Variants in ROBO2 observed in about 807,000 individuals in gnomAD.
ROBO2 encodes roundabout homolog 2.
ROBO2 carries 53 observed loss-of-function variants against 160.8 expected under a neutral mutation model. The observed-to-expected ratio is 0.33, with a 90% CI of 0.26 to 0.41. The LOEUF (loss-of-function observed/expected upper bound fraction) is 0.41, where lower values mean the gene tolerates loss of function less well. Ranked by LOEUF, ROBO2 falls within the 10% of genes least tolerant of loss-of-function variation. The pLI, the probability that ROBO2 is intolerant of heterozygous loss-of-function variation, is 1.00. For missense variants in ROBO2, 1,577 were observed against 1,722.4 expected (o/e 0.92, Z 1.49); for synonymous variants, 664 against 611.7 (o/e 1.09, Z -1.26).
intron 2 of ROBO2, among the ~76,000 whole-genome samples, chr3:76,667,565 T>A (rs1364688670): frequency 8.2e-6 from 1 of 121,868 alleles, no homozygotes. Context: ...AGGTTAATGA[T>A]CAAATCAGAA....
intron 2 of ROBO2, among the ~76,000 whole-genome samples, chr3:76,904,937 G>C (rs1238427474): frequency 5.4e-5 from 6 of 110,922 alleles, no homozygotes; most frequent in Admixed American, 1.9e-4. Flanking sequence ...ATAGTTTCTT[G>C]ACAGTTATGA....
At chr3:76,547,632 C>T (rs916658819) in intron 2 of ROBO2, among the ~76,000 whole-genome samples, 1 of 151,974 alleles carries the variant, frequency 6.6e-6, no homozygotes, top group Non-Finnish European at 1.5e-5. Flanking sequence ...TACAAGAGGG[C>T]AATAATCAAT....
intron 2 of ROBO2, among the ~76,000 whole-genome samples, chr3:76,119,223 T>A (rs1252608080): frequency 6.6e-6 from 1 of 152,218 alleles, no homozygotes; most frequent in Non-Finnish European, 1.5e-5. Flanking sequence ...GAATTCGCTG[T>A]TGGTTCATGC....
chr3:77,366,449 G>T (rs1201133882), intron 2 of ROBO2, among the ~76,000 whole-genome samples: 1 of 152,010 alleles, frequency 6.6e-6, no homozygotes, highest in Non-Finnish European at 1.5e-5. Flanking sequence ...AAGACGGCCT[G>T]TAGGAACCAG....
chr3:76,773,151 TA>T (rs1279086998), intron 2 of ROBO2, among the ~76,000 whole-genome samples: 2 of 151,118 alleles, frequency 1.3e-5, no homozygotes, highest in African/African-American at 4.8e-5. Context: ...CAAAACCTCT[TA>T]ATCAATAATA....
Position 76,277,785 on chromosome 3 carries a change from C to T in ROBO2, c.109+340183C>T, listed in dbSNP as rs554988171. ...GATTCTTAAAGATGGTTTTTATTCT[C>T]ATATATATTAAAAATTAAATAAGTA... On this transcript the variant is annotated intron_variant, in intron 2 of 26. Coordinates refer to the ROBO2 transcript ENST00000487694. 3.7e-4 allele frequency among the ~76,000 whole-genome samples: 56 copies of T among 151,930 alleles called. 1 individual carries two copies. Among genetic ancestry groups the T allele is most frequent in the African/African-American group, 1.3e-3 (55 of 41,490 alleles).
chr3:77,040,964 T>A, intron 1 of ROBO2, 118 bp downstream of exon 1: 1 of 1,385,444 alleles, frequency 7.2e-7, no homozygotes, highest in Non-Finnish European at 1.0e-6. Context: ...TGTTAGTCCG[T>A]TTTGGCCCGG....
At chr3:76,361,858 TAAGA>T (rs2075541996) in intron 2 of ROBO2, among the ~76,000 whole-genome samples, 1 of 152,092 alleles carries the variant, frequency 6.6e-6, no homozygotes, top group Non-Finnish European at 1.5e-5. Flanking sequence ...TTCTGATATT[TAAGA>T]AAGAGTAAGG....
intron 2 of ROBO2, among the ~76,000 whole-genome samples, chr3:75,983,364 T>C (rs1368759155): frequency 6.6e-6 from 1 of 151,454 alleles, no homozygotes; most frequent in Admixed American, 6.6e-5. Context: ...ACGGGAAGTA[T>C]ACATTATAGA....
intron 2 of ROBO2, among the ~76,000 whole-genome samples, chr3:76,347,920 G>T (rs569282132): frequency 6.6e-6 from 1 of 152,096 alleles, no homozygotes; most frequent in Non-Finnish European, 1.5e-5. Flanking sequence ...ATTGAATGAG[G>T]ATGTTGGATT....
intron 2 of ROBO2, among the ~76,000 whole-genome samples, chr3:76,224,237 T>A (rs1373181674): frequency 1.3e-5 from 2 of 152,220 alleles, no homozygotes; most frequent in African/African-American, 4.8e-5. Flanking sequence ...ATATAACATC[T>A]GCAAGGTGGA....
At chr3:77,254,443 T>C (rs2090714373) in intron 2 of ROBO2, among the ~76,000 whole-genome samples, 1 of 151,574 alleles carries the variant, frequency 6.6e-6, no homozygotes, top group Non-Finnish European at 1.5e-5. Context: ...AATACTTCTT[T>C]TTTTTTTTTT....
chr3:77,005,631 T>C (rs532027566), intron 2 of ROBO2, among the ~76,000 whole-genome samples: 1 of 152,286 alleles, frequency 6.6e-6, no homozygotes, highest in African/African-American at 2.4e-5. Context: ...ATAAGAATGA[T>C]ATAAACGACA....
intron 2 of ROBO2, among the ~76,000 whole-genome samples, chr3:76,523,492 T>A (rs1008503628): frequency 6.6e-6 from 1 of 152,102 alleles, no homozygotes; most frequent in Non-Finnish European, 1.5e-5. Flanking sequence ...TAGCCCAAGC[T>A]CACACAGAGA....
intron 2 of ROBO2, among the ~76,000 whole-genome samples, chr3:77,312,909 A>G (rs369158086): frequency 6.5e-4 from 99 of 152,322 alleles, no homozygotes; most frequent in African/African-American, 2.2e-3. Context: ...AATCTAAAAA[A>G]TCTGTGTCCT....
chr3:77,004,592 G>A (rs2061489298), intron 2 of ROBO2, among the ~76,000 whole-genome samples: 1 of 152,176 alleles, frequency 6.6e-6, no homozygotes, highest in South Asian at 2.1e-4. Flanking sequence ...CTTGAAAGCT[G>A]CTTATCATCA....
At chr3:76,917,195 T>C (rs763513744) in intron 2 of ROBO2, among the ~76,000 whole-genome samples, 1 of 152,196 alleles carries the variant, frequency 6.6e-6, no homozygotes, top group Admixed American at 6.5e-5. Context: ...GTTCTACGTA[T>C]GGCAATCAAG....
intron 2 of ROBO2, among the ~76,000 whole-genome samples, chr3:75,996,656 G>A (rs1217535053): frequency 6.6e-6 from 1 of 152,116 alleles, no homozygotes; most frequent in Non-Finnish European, 1.5e-5. Context: ...TTTATTCTCT[G>A]ATAGTATACA....
chr3:76,486,559 C>A (rs1234114537), intron 2 of ROBO2, among the ~76,000 whole-genome samples: 1 of 152,048 alleles, frequency 6.6e-6, no homozygotes, highest in Non-Finnish European at 1.5e-5. Context: ...CTCAGAAAAT[C>A]TCTGGTTATC....
Sources: allele counts gnomAD v4.1 joint callset (sites outside exome capture counted in the v4.1 genomes callset), GRCh38; gene constraint gnomAD v4.1.1; transcripts MANE v1.5; gene names NCBI Gene and HGNC (gene_info 2026-07-23, HGNC 2026-07-21).